NRXN3: variants seen among roughly 807,000 people sequenced by gnomAD.
The protein encoded by NRXN3 is neurexin III.
In NRXN3, 32 loss-of-function variants were observed where a neutral mutation model predicts 137.6. The ratio of observed to expected loss-of-function variants is 0.23; its 90% CI spans 0.18 to 0.31. The LOEUF is 0.31. Among genes scored for constraint, NRXN3 ranks in the 10% least tolerant of loss-of-function variants. The probability of loss-of-function intolerance (pLI) is 1.00; values close to 1 mark genes in which losing one functional copy is unlikely to be tolerated. For synonymous variants in NRXN3, 798 were observed against 784.5 expected (o/e 1.02, Z -0.29); for missense variants, 1,574 against 2,062.5 (o/e 0.76, Z 4.59).
intron 18 of NRXN3, among the ~76,000 whole-genome samples, chr14:79,696,160 C>T (rs1462892820): frequency 6.6e-6 from 1 of 151,912 alleles, no homozygotes; most frequent in East Asian, 1.9e-4. Flanking sequence ...ACATTATACA[C>T]CAGGAATTCA....
At chr14:78,812,046 C>A (rs555317180) in intron 10 of NRXN3, among the ~76,000 whole-genome samples, 18 of 152,150 alleles carry the variant, frequency 1.2e-4, no homozygotes, top group Admixed American at 7.9e-4. Flanking sequence ...AATTTTCATA[C>A]CACTACATTT....
intron 15 of NRXN3, among the ~76,000 whole-genome samples, chr14:79,353,386 G>A (rs1337488789): frequency 6.6e-6 from 1 of 151,978 alleles, no homozygotes; most frequent in African/African-American, 2.4e-5. Context: ...TATATGCTGA[G>A]CTTCCTCTTG....
intron 3 of NRXN3, among the ~76,000 whole-genome samples, chr14:78,280,265 A>G (rs971983199): frequency 6.6e-6 from 1 of 152,182 alleles, no homozygotes; most frequent in Non-Finnish European, 1.5e-5. Context: ...GTATATATAC[A>G]TATGCTTTAT....
intron 15 of NRXN3, among the ~76,000 whole-genome samples, chr14:79,338,567 G>A (rs116709286): frequency 0.023 from 3,432 of 152,100 alleles, 132 homozygotes; most frequent in African/African-American, 0.078. Context: ...TGTATCCACT[G>A]TCAGCCCATT....
Position 78,572,997 on chromosome 14 carries a change from A to G in NRXN3, c.758-72123A>G, listed in dbSNP as rs545488904. On this transcript the variant is annotated intron_variant, in intron 4 of 20. Coordinates refer to ENST00000335750, the MANE Select transcript of NRXN3 (RefSeq NM_001330195.2). ...TAGGTGGAGACAATTAAAAAATGGG[A>G]TTGGTTTCTGCCATTCTGTTCTCGT... is the stretch of plus-strand genomic sequence containing the variant. Among the ~76,000 whole-genome samples, 7 of 152,248 alleles carry G rather than the reference A, an allele frequency of 4.6e-5. No homozygotes were observed. In the South Asian group the frequency reaches 1.2e-3, roughly 27 times the overall value.
At chr14:79,137,795 T>C (rs368798851) in intron 15 of NRXN3, among the ~76,000 whole-genome samples, 2 of 152,222 alleles carry the variant, frequency 1.3e-5, no homozygotes, top group African/African-American at 4.8e-5. Context: ...TTTTTCTACT[T>C]CCTGGCATAT....
intron 16 of NRXN3, among the ~76,000 whole-genome samples, chr14:79,589,878 A>C (rs1165520901): frequency 6.6e-6 from 1 of 152,204 alleles, no homozygotes; most frequent in Non-Finnish European, 1.5e-5. Context: ...AATAAAAATT[A>C]ACTAAAAGCT....
chr14:78,353,685 G>C (rs2083876436), intron 4 of NRXN3, among the ~76,000 whole-genome samples: 1 of 152,156 alleles, frequency 6.6e-6, no homozygotes. Flanking sequence ...GCTTGAAGAG[G>C]ATAAAGGAGT....
intron 15 of NRXN3, among the ~76,000 whole-genome samples, chr14:79,084,934 CCAT>C (rs1220177142): frequency 6.6e-6 from 1 of 152,034 alleles, no homozygotes; most frequent in Non-Finnish European, 1.5e-5. Context: ...CTGTTGGGGA[CCAT>C]CTGTTAATGT....
At position 78,243,285 on chromosome 14, in the gene NRXN3, C is replaced by T; in HGVS notation, c.192C>T (p.Leu64=). The change falls in exon 2 of 21, where the codon CTC becomes CTT. Residue 64 remains leucine, a synonymous_variant. Transcript: ENST00000335750. This position sits in a 1 kb window ranked among gnomAD's most constrained non-coding sequence, Gnocchi z 4.2. ...QFKTNVSTGL[L]LYLDDGGVCD... ...AGACCAACGTCTCTACGGGGCTGCT[C>T]CTCTACCTGGATGATGGCGGCGTCT... 1.3e-6 allele frequency: 2 copies of T among 1,561,734 alleles called. No homozygotes were observed. Among genetic ancestry groups the T allele is most frequent in the South Asian group, 1.2e-5 (1 of 85,764 alleles).
intron 15 of NRXN3, among the ~76,000 whole-genome samples, chr14:79,136,254 C>A (rs1210293113): frequency 4.6e-5 from 7 of 152,174 alleles, no homozygotes; most frequent in Admixed American, 1.3e-4. Flanking sequence ...CACATTCGTT[C>A]ATGTTCTTTG....
chr14:78,735,121 G>A (rs961966196), intron 8 of NRXN3, among the ~76,000 whole-genome samples: 3 of 152,082 alleles, frequency 2.0e-5, no homozygotes, highest in Admixed American at 2.0e-4. Context: ...AAGGGAAGTC[G>A]GTGAATTTGA....
chr14:79,744,681 C>T (rs1365273168), intron 19 of NRXN3, among the ~76,000 whole-genome samples: 3 of 152,202 alleles, frequency 2.0e-5, no homozygotes, highest in South Asian at 2.1e-4. Flanking sequence ...TCCATAAACA[C>T]AGCTCTTGTG....
At chr14:78,618,936 C>T (rs976096416) in intron 4 of NRXN3, among the ~76,000 whole-genome samples, 4 of 152,144 alleles carry the variant, frequency 2.6e-5, no homozygotes, top group Non-Finnish European at 5.9e-5. Context: ...TTTCTTTGTC[C>T]TCTGATTATT....
intron 1 of NRXN3, among the ~76,000 whole-genome samples, chr14:78,193,375 GAGCCTGGAAAAGCATCACATGAA>G (rs906433983): frequency 6.6e-6 from 1 of 152,136 alleles, no homozygotes; most frequent in African/African-American, 2.4e-5. Context: ...TTGGGTAGGG[GAGCCTGGAAAAGCATCACATGAA>G]AGGCTTTTAA....
At chr14:78,500,871 A>G (rs2095865519) in intron 4 of NRXN3, among the ~76,000 whole-genome samples, 1 of 152,154 alleles carries the variant, frequency 6.6e-6, no homozygotes, top group African/African-American at 2.4e-5. Context: ...TTACAATAAG[A>G]TACAGTCCCA....
In NRXN3 at chr14:79,773,601, G is replaced by A. The variant is rs549204824; in HGVS notation, c.4015-31511G>A. On this transcript the variant is annotated intron_variant, in intron 19 of 20. Transcript: ENST00000335750. Reference sequence around the variant, plus strand: ...AATGAGAACACATGGACACAGGAAGGGGAACATCACACTCTGGGGACTGTT... The same window carrying A: ...AATGAGAACACATGGACACAGGAAGAGGAACATCACACTCTGGGGACTGTT... Among the ~76,000 whole-genome samples the A allele has an allele frequency of 5.3e-5, 7 of 133,174 alleles. No individual in the cohort carries two copies. The South Asian group carries it at 1.3e-3, about 25-fold the overall frequency. The allele number at this position is 133,174 out of a possible 152,430, so 87.4% of individuals were successfully genotyped here.
intron 16 of NRXN3, among the ~76,000 whole-genome samples, chr14:79,561,971 T>C (rs12433645): frequency 0.49 from 74,980 of 152,056 alleles, 21,095 homozygotes; most frequent in Admixed American, 0.62. Context: ...CTTGTCAACC[T>C]TTCAGAAAGG....
chr14:78,353,889 A>G (rs1389995608), intron 4 of NRXN3, among the ~76,000 whole-genome samples: 1 of 152,336 alleles, frequency 6.6e-6, no homozygotes, highest in Non-Finnish European at 1.5e-5. Flanking sequence ...TGGGTAGTTT[A>G]TGAAGGCTGA....
Sources: gnomAD v4.1 joint callset for allele counts (sites outside exome capture counted in the v4.1 genomes callset) on GRCh38, gnomAD v4.1.1 for gene constraint, Gnocchi (gnomAD v3.1) non-coding constraint, MANE v1.5 for transcripts, NCBI Gene and HGNC (gene_info 2026-07-23, HGNC 2026-07-21) for gene names.